The following ZNF714 variants were observed in gnomAD, a reference collection of about 807,000 sequenced individuals.
The protein encoded by ZNF714 is zinc finger protein 714.
Under a neutral mutation model 46.2 loss-of-function variants are expected in ZNF714, and 32 were observed. That is an observed-to-expected ratio of 0.69 (90% confidence interval 0.52 to 0.93). The LOEUF (loss-of-function observed/expected upper bound fraction) is 0.93. Among genes scored for constraint, ZNF714 ranks in the 40% least tolerant of loss-of-function variants. ZNF714 has a pLI of 0.00. For synonymous variants in ZNF714, 199 were observed against 213.1 expected (o/e 0.93, Z 0.58); for missense variants, 635 against 646.3 (o/e 0.98, Z 0.19).
At position 21,121,277 on chromosome 19, in the gene ZNF714, C is replaced by G. The variant is rs1009245002; in HGVS notation, c.*2945C>G. ...CAATCTCCTGACCTCGTGATCTGGTCTCGATCTCCTGACCTCATGATCTGC... is the reference window on the plus strand; with the variant it reads ...CAATCTCCTGACCTCGTGATCTGGTGTCGATCTCCTGACCTCATGATCTGC... On this transcript the variant is annotated 3_prime_UTR_variant, in exon 5 of 5. Transcript: ENST00000456283. 6.6e-6 allele frequency: 1 copy of G among 152,082 alleles called. No homozygotes were observed. Among genetic ancestry groups the G allele is most frequent in the African/African-American group, 2.4e-5 (1 of 41,372 alleles). 9.4% of individuals were successfully genotyped at this position (152,082 alleles called of 1,614,324 possible). A position where few individuals can be genotyped will look rare whatever the true frequency, so the allele number is the denominator to read the frequency against.
At chr19:21,103,914 A>G (rs982011968) in intron 4 of ZNF714, among the ~76,000 whole-genome samples, 2 of 152,170 alleles carry the variant, frequency 1.3e-5, no homozygotes, top group African/African-American at 2.4e-5. Flanking sequence ...TGTACATTTC[A>G]GTCATGTTAA....
chr19:21,085,713 A>C (rs543744526), intron 2 of ZNF714, among the ~76,000 whole-genome samples: 1 of 152,186 alleles, frequency 6.6e-6, no homozygotes, highest in South Asian at 2.1e-4. Flanking sequence ...CACCCCAGCC[A>C]TGGAAGAAGC....
chr19:21,098,361 G>T, intron 3 of ZNF714, 50 bp downstream of exon 3: 1 of 1,576,178 alleles, frequency 6.3e-7, no homozygotes, highest in South Asian at 1.2e-5. Context: ...AACGTTTTAT[G>T]TCTCTTTTTT....
rs1969706386 is a variant in ZNF714, at chr19:21,121,734, CTT to C, written c.*3404_*3405del. ...AAAAAATGCTGAAAGCAAATGTATACTTTGTGCTTTGTATTGAATTTATTACT... is the reference window on the plus strand; with the variant it reads ...AAAAAATGCTGAAAGCAAATGTATACTGTGCTTTGTATTGAATTTATTACT... On this transcript the variant is annotated 3_prime_UTR_variant, in exon 5 of 5. Coordinates refer to ENST00000456283, the MANE Select transcript of ZNF714 (RefSeq NM_182515.4). 6.6e-6 allele frequency: 1 copy of C among 152,188 alleles called. No homozygotes were observed. Among genetic ancestry groups the C allele is most frequent in the Non-Finnish European group, 1.5e-5 (1 of 68,032 alleles). The allele number at this position is 152,188 out of a possible 1,614,324, so 9.4% of individuals were successfully genotyped here.
chr19:21,098,650 C>A (rs1969098055), intron 3 of ZNF714, among the ~76,000 whole-genome samples, 162 bp from the exon 4 acceptor site: 1 of 152,056 alleles, frequency 6.6e-6, no homozygotes, highest in Non-Finnish European at 1.5e-5. Flanking sequence ...TAAGGACCTA[C>A]AAATTTAAAA....
intron 4 of ZNF714, among the ~76,000 whole-genome samples, chr19:21,107,465 C>T (rs1969349498): frequency 6.6e-6 from 1 of 152,154 alleles, no homozygotes; most frequent in African/African-American, 2.4e-5. Context: ...TCTTGAACTC[C>T]TGACCTCAGG....
chr19:21,095,679 C>T (rs1429966641), intron 2 of ZNF714, among the ~76,000 whole-genome samples: 1 of 152,080 alleles, frequency 6.6e-6, no homozygotes, highest in Middle Eastern at 3.4e-3. Flanking sequence ...TGGTCTCGAT[C>T]TCCTGACCTC....
chr19:21,100,259 C>T (rs561775122), intron 4 of ZNF714, among the ~76,000 whole-genome samples: 5 of 152,126 alleles, frequency 3.3e-5, no homozygotes, highest in Non-Finnish European at 7.4e-5. Flanking sequence ...CGCAGTGTCT[C>T]ACACCTGTAA....
At position 21,098,852 on chromosome 19, in the gene ZNF714, A is replaced by G. The variant is rs1336627059; in HGVS notation, c.84A>G (p.Leu28=). ...CTAAGCAAGACCCGATCACCAGTCT[A>G]GAGCAAGAAAAAGAGCCCTGGAATA... is the stretch of plus-strand genomic sequence containing the variant. The part of the protein sequence containing the change: ...AVSKQDPITS[L]EQEKEPWNMK... The change falls in exon 4 of 5, where the codon CTA becomes CTG. Residue 28 remains leucine, a synonymous_variant. Coordinates refer to ENST00000456283, the MANE Select transcript of ZNF714 (RefSeq NM_182515.4). 1.9e-6 allele frequency: 3 copies of G among 1,611,910 alleles called. No homozygotes were observed. The highest frequency in any genetic ancestry group is 2.5e-6 in the Non-Finnish European group (3 of 1,178,970).
chr19:21,108,334 CCTAT>C (rs1461815511), intron 4 of ZNF714, among the ~76,000 whole-genome samples: 6 of 152,240 alleles, frequency 3.9e-5, no homozygotes, highest in African/African-American at 1.4e-4. Flanking sequence ...AAGTTTTGTA[CCTAT>C]CTGTTAAGCC....
At chr19:21,094,678 C>CA (rs1968995971) in intron 2 of ZNF714, among the ~76,000 whole-genome samples, 1 of 152,140 alleles carries the variant, frequency 6.6e-6, no homozygotes, top group Non-Finnish European at 1.5e-5. Flanking sequence ...AGATGTGTGC[C>CA]ACCAAGCCTG....
At chr19:21,101,759 T>TG (rs755472271) in intron 4 of ZNF714, among the ~76,000 whole-genome samples, 2 of 152,200 alleles carry the variant, frequency 1.3e-5, no homozygotes, top group Non-Finnish European at 2.9e-5. Flanking sequence ...AGACTGTAAC[T>TG]GGGAGGAGTT....
At chr19:21,085,208 A>C (rs1339018183) in intron 2 of ZNF714, among the ~76,000 whole-genome samples, 5 of 152,184 alleles carry the variant, frequency 3.3e-5, no homozygotes, top group Non-Finnish European at 7.4e-5. Flanking sequence ...GTGGTAGATA[A>C]TTGGTGAGTA....
chr19:21,114,649 A>G (rs1272990839), intron 4 of ZNF714, among the ~76,000 whole-genome samples: 2 of 152,128 alleles, frequency 1.3e-5, no homozygotes, highest in Non-Finnish European at 2.9e-5. Flanking sequence ...ATTACATTTA[A>G]GGCTAATATT....
rs1327698128 is a variant in ZNF714, at chr19:21,123,284, T to C, written c.*4952T>C. 1 of 152,042 alleles carries C rather than the reference T, an allele frequency of 6.6e-6. No individual in the cohort carries two copies. Among genetic ancestry groups the C allele is most frequent in the Non-Finnish European group, 1.5e-5 (1 of 67,984 alleles). 9.4% of individuals were successfully genotyped at this position (152,042 alleles called of 1,614,324 possible). A position where few individuals can be genotyped will look rare whatever the true frequency, so the allele number is the denominator to read the frequency against. ...ATACAAAGTGTGGCAAATATAAAAC[T>C]TGCTTGAAAATATGGAAATTAAATT... On this transcript the variant is annotated 3_prime_UTR_variant, in exon 5 of 5. Transcript: ENST00000456283.
intron 4 of ZNF714, among the ~76,000 whole-genome samples, chr19:21,105,111 G>T (rs1474873136): frequency 2.8e-5 from 4 of 140,856 alleles, no homozygotes; most frequent in Non-Finnish European, 6.0e-5. Flanking sequence ...TGCAAACTCT[G>T]CCTCCTGGGT....
At chr19:21,084,387 C>G (rs1204943293) in intron 2 of ZNF714, among the ~76,000 whole-genome samples, 1 of 152,002 alleles carries the variant, frequency 6.6e-6, no homozygotes, top group Non-Finnish European at 1.5e-5. Flanking sequence ...CTAATTCTGT[C>G]ACCCATAGCC....
chr19:21,114,449 AAAG>A (rs1969541925), intron 4 of ZNF714, among the ~76,000 whole-genome samples: 1 of 151,270 alleles, frequency 6.6e-6, no homozygotes, highest in African/African-American at 2.4e-5. Context: ...AAAAAAAAAA[AAAG>A]AAACTATGAT....
At chr19:21,095,101 G>A (rs1969005216) in intron 2 of ZNF714, among the ~76,000 whole-genome samples, 1 of 152,044 alleles carries the variant, frequency 6.6e-6, no homozygotes, top group Admixed American at 6.6e-5. Flanking sequence ...TTGGTATGTT[G>A]TCTGTTTACT....
Sources: gnomAD v4.1 joint callset for allele counts (sites outside exome capture counted in the v4.1 genomes callset) on GRCh38, gnomAD v4.1.1 for gene constraint, MANE v1.5 for transcripts, NCBI Gene and HGNC (gene_info 2026-07-23, HGNC 2026-07-21) for gene names.